PCDHA4: variants seen among roughly 807,000 people sequenced by gnomAD.
PCDHA4 encodes protocadherin alpha-4.
In PCDHA4, 49 loss-of-function variants were observed where a neutral mutation model predicts 61.4. The observed-to-expected ratio is 0.80, with a 90% CI of 0.63 to 1.01. PCDHA4 has a LOEUF of 1.01. Ranked by LOEUF, PCDHA4 falls within the 50% of genes least tolerant of loss-of-function variation. The pLI, the probability that PCDHA4 is intolerant of heterozygous loss-of-function variation, is 0.00. For missense variants in PCDHA4, 1,254 were observed against 1,235.8 expected, an observed-to-expected ratio of 1.01 and a Z score of -0.22; for synonymous variants, 590 against 550.3, an observed-to-expected ratio of 1.07 and a Z score of -1.01.
chr5:140,910,387 T>G (rs540534807), intron 1 of PCDHA4, among the ~76,000 whole-genome samples: 3 of 152,276 alleles, frequency 2.0e-5, no homozygotes, highest in Admixed American at 6.5e-5. Context: ...CCTTTGACAG[T>G]TGACTGGCCC....
At chr5:140,930,208 A>G (rs939593947) in intron 1 of PCDHA4, 39 of 152,338 alleles carry the variant, frequency 2.6e-4, no homozygotes, top group African/African-American at 8.2e-4. Flanking sequence ...AGAAATATTT[A>G]TGTGTTCAAA....
intron 1 of PCDHA4, chr5:140,869,464 G>C: frequency 6.2e-7 from 1 of 1,614,198 alleles, no homozygotes; most frequent in Non-Finnish European, 8.5e-7. Context: ...CCATGTGAAC[G>C]TGGAGGTGAA....
At chr5:140,940,705 C>T (rs2092669255) in intron 1 of PCDHA4, among the ~76,000 whole-genome samples, 1 of 152,170 alleles carries the variant, frequency 6.6e-6, no homozygotes, top group Non-Finnish European at 1.5e-5. Context: ...AAGTGTATAC[C>T]TGCTGTGTGC....
chr5:141,002,039 C>G (rs1198304632), intron 3 of PCDHA4, among the ~76,000 whole-genome samples: 1 of 152,216 alleles, frequency 6.6e-6, no homozygotes, highest in Non-Finnish European at 1.5e-5. Flanking sequence ...TGACTCTTTC[C>G]TGGGCATCCA....
chr5:140,863,525 C>A, intron 1 of PCDHA4: 1 of 394,654 alleles, frequency 2.5e-6, no homozygotes, highest in South Asian at 2.0e-5. Context: ...TCCCATGGTT[C>A]AGATTTTGGA....
intron 1 of PCDHA4, among the ~76,000 whole-genome samples, chr5:140,907,719 C>A (rs2153502555): frequency 1.3e-5 from 2 of 152,330 alleles, no homozygotes; most frequent in South Asian, 4.1e-4. Flanking sequence ...CCATGTGTAA[C>A]CTCCATCCCT....
chr5:140,891,133 A>AAAGGT (rs1241650823), intron 1 of PCDHA4, among the ~76,000 whole-genome samples: 2 of 152,106 alleles, frequency 1.3e-5, no homozygotes, highest in Non-Finnish European at 1.5e-5. Context: ...TCATTCCTTT[A>AAAGGT]AAGGTATTCT....
Position 140,807,260 on chromosome 5 carries a change from G to A in PCDHA4, c.73G>A (p.Glu25Lys), listed in dbSNP as rs782426458. 2 of 1,614,130 alleles carry A rather than the reference G, an allele frequency of 1.2e-6. No homozygotes were observed. The change falls in exon 1 of 4, where the codon GAG (glutamate) becomes AAG (lysine). Residue 25 changes from glutamate to lysine, a missense_variant. Glu to Lys is a moderately conservative substitution (Grantham distance 56, BLOSUM62 1). Coordinates refer to ENST00000530339, the MANE Select transcript of PCDHA4 (RefSeq NM_018907.4). ...LLLLLLLAAW[E>K]AGNGQLHYSV... ...CTTACTTCTTCTCCTCGCAGCCTGG[G>A]AGGCAGGGAACGGTCAGCTCCACTA...
At chr5:140,846,050 C>T (rs2150384063) in intron 1 of PCDHA4, among the ~76,000 whole-genome samples, 1 of 149,776 alleles carries the variant, frequency 6.7e-6, no homozygotes, top group African/African-American at 2.4e-5. Flanking sequence ...GTTAACACCA[C>T]CTATGTGGGA....
chr5:140,843,105 G>A (rs2150352626), intron 1 of PCDHA4: 1 of 1,595,772 alleles, frequency 6.3e-7, no homozygotes, highest in South Asian at 1.1e-5. Flanking sequence ...GCGAAGGTGC[G>A]CGCAGTGGAC....
intron 1 of PCDHA4, chr5:140,882,209 A>G (rs781846726): frequency 5.2e-6 from 8 of 1,531,724 alleles, no homozygotes; most frequent in Non-Finnish European, 7.0e-6. Context: ...GCCTTGAGAG[A>G]CAGTTTGAGG....
intron 1 of PCDHA4, chr5:140,877,987 C>T: frequency 3.5e-6 from 4 of 1,151,316 alleles, no homozygotes; most frequent in Non-Finnish European, 4.6e-6. Context: ...TCATTTTGAA[C>T]TTTTATGTAT....
intron 1 of PCDHA4, among the ~76,000 whole-genome samples, chr5:140,922,895 A>G (rs2153566398): frequency 6.6e-6 from 1 of 152,340 alleles, no homozygotes; most frequent in East Asian, 1.9e-4. Context: ...ATTCAAGAAA[A>G]AATTTTGAGA....
At chr5:140,983,807 G>A (rs1158459034) in intron 3 of PCDHA4, among the ~76,000 whole-genome samples, 1 of 152,100 alleles carries the variant, frequency 6.6e-6, no homozygotes, top group African/African-American at 2.4e-5. Context: ...TGTGTAAAAG[G>A]TTTTTTCCCA....
At chr5:140,827,898 G>T in intron 1 of PCDHA4, 1 of 748,536 alleles carries the variant, frequency 1.3e-6, no homozygotes, top group Non-Finnish European at 2.2e-6. Context: ...CTTACCTTTT[G>T]GAGCCGCATG....
At chr5:140,885,119 TTTTC>T (rs1425065169) in intron 1 of PCDHA4, among the ~76,000 whole-genome samples, 2 of 152,334 alleles carry the variant, frequency 1.3e-5, no homozygotes, top group East Asian at 3.9e-4. Context: ...TTAAGTGCAC[TTTTC>T]TTTCTTTCTT....
At chr5:140,873,085 C>G (rs1554166557) in intron 1 of PCDHA4, among the ~76,000 whole-genome samples, 2 of 152,098 alleles carry the variant, frequency 1.3e-5, no homozygotes, top group Non-Finnish European at 2.9e-5. Flanking sequence ...TATTTCCCCC[C>G]CGTATAGAGG....
chr5:140,832,241 T>C (rs2150200377), intron 1 of PCDHA4, among the ~76,000 whole-genome samples: 28 of 152,212 alleles, frequency 1.8e-4, no homozygotes, highest in Non-Finnish European at 3.4e-4. Context: ...ACTTTTTGTG[T>C]TGTCCATGTT....
At chr5:140,812,637 T>C (rs1381777421) in intron 1 of PCDHA4, 3 of 152,176 alleles carry the variant, frequency 2.0e-5, no homozygotes, top group Admixed American at 1.3e-4. Context: ...TTTGTTTTCA[T>C]GTTTAAGAGA....
Sources: allele counts gnomAD v4.1 joint callset (sites outside exome capture counted in the v4.1 genomes callset), GRCh38; gene constraint gnomAD v4.1.1; transcripts MANE v1.5; gene names NCBI Gene and HGNC (gene_info 2026-07-23, HGNC 2026-07-21).